Variants in ALAD observed in about 807,000 individuals in gnomAD.
The protein encoded by ALAD is delta-aminolevulinic acid dehydratase.
A neutral mutation model predicts 44.4 loss-of-function variants in ALAD; 20 were observed. The observed-to-expected ratio is 0.45, with a 90% CI of 0.32 to 0.65. ALAD has a LOEUF of 0.65. ALAD is among the 30% of genes least tolerant of loss of function. The pLI is 0.05. For synonymous variants in ALAD, 156 were observed against 167.9 expected (o/e 0.93, Z 0.55); for missense variants, 323 against 445.7 (o/e 0.72, Z 2.48).
intron 1 of ALAD, among the ~76,000 whole-genome samples, 157 bp from the exon 2 acceptor site, chr9:113,393,791 T>C (rs8177792): frequency 1.3e-5 from 2 of 152,212 alleles, no homozygotes; most frequent in African/African-American, 4.8e-5. Context: ...ACAAGGTAAG[T>C]TGAGAAATGA....
At position 113,388,163 on chromosome 9, in the gene ALAD, G is replaced by T; in HGVS notation, c.*137C>A. 1.1e-6 allele frequency: 1 copy of T among 921,948 alleles called. No homozygotes were observed. Among genetic ancestry groups the T allele is most frequent in the Non-Finnish European group, 1.8e-6 (1 of 568,358 alleles). 57.1% of individuals were successfully genotyped at this position (921,948 alleles called of 1,614,324 possible). On this transcript the variant is annotated 3_prime_UTR_variant, in exon 12 of 12. Coordinates refer to ENST00000409155, the MANE Select transcript of ALAD (RefSeq NM_000031.6). ...CATGCTGGCAAAACCACCCAGGGCT[G>T]CTGGGCCCCGCTAGCATGTGAGCAG... is the stretch of plus-strand genomic sequence containing the variant.
At chr9:113,392,937 C>T (rs550855847) in intron 2 of ALAD, among the ~76,000 whole-genome samples, 2 of 151,636 alleles carry the variant, frequency 1.3e-5, no homozygotes, top group Non-Finnish European at 2.9e-5. Flanking sequence ...CCTGCCTCAG[C>T]CTCCCAAGTA....
chr9:113,393,685 A>C, intron 1 of ALAD, 51 bp from the exon 2 acceptor site: 1 of 759,952 alleles, frequency 1.3e-6, no homozygotes. Flanking sequence ...TCCTCAGGAG[A>C]TGGTCACATC....
At position 113,399,085 on chromosome 9, in the gene ALAD, C is replaced by T. The variant is rs80062909; in HGVS notation, c.-76+2127G>A. On this transcript the variant is annotated intron_variant, in intron 1 of 11. Coordinates refer to ENST00000409155, the MANE Select transcript of ALAD (RefSeq NM_000031.6). ...ATCAGACAGGTTAGCTTTGCTGGGACGCAGAGTATAGGGCGGTGCAGAAAG... is the reference window on the plus strand; with the variant it reads ...ATCAGACAGGTTAGCTTTGCTGGGATGCAGAGTATAGGGCGGTGCAGAAAG... Among the ~76,000 whole-genome samples the T allele has an allele frequency of 4.6e-3, 703 of 152,302 alleles. 4 individuals carry two copies. The highest frequency in any genetic ancestry group is 0.01 in the African/African-American group (426 of 41,558).
At chr9:113,390,550 C>T in intron 6 of ALAD, 43 bp downstream of exon 6, 1 of 1,613,968 alleles carries the variant, frequency 6.2e-7, no homozygotes, top group Non-Finnish European at 8.5e-7. Flanking sequence ...ACTCTGCCAC[C>T]TCCTGACCCA....
In ALAD at chr9:113,389,033, C is replaced by T. The variant is rs749655574; in HGVS notation, c.875G>A (p.Gly292Glu). 2 of 1,613,886 alleles carry T rather than the reference C, an allele frequency of 1.2e-6. No homozygotes were observed. The highest frequency in any genetic ancestry group is 1.7e-6 in the Non-Finnish European group (2 of 1,180,036). ...FAMLWHGAQA[G>E]AFDLKAAVLE... is the part of the protein sequence containing the mutation. ...TACGGCAGCCTTGAGATCAAATGCC[C>T]CGGCCTGGGCTCCATGCCACAGCAT... is the stretch of plus-strand genomic sequence containing the variant. Residue 292 changes from glycine to glutamate, a missense_variant, in exon 11 of 12, where the codon GGG becomes GAG. Gly to Glu is a moderately conservative substitution (Grantham distance 98, BLOSUM62 -2). Coordinates refer to ENST00000409155, the MANE Select transcript of ALAD (RefSeq NM_000031.6).
chr9:113,392,212 G>A (rs758177690), intron 2 of ALAD, 43 bp from the exon 3 acceptor site: 2 of 1,613,582 alleles, frequency 1.2e-6, no homozygotes, highest in South Asian at 1.1e-5. Flanking sequence ...GCTGTGGGAA[G>A]GGCCAGTGGT....
chr9:113,391,646 G>A (rs774317722), intron 3 of ALAD, 23 bp from the exon 4 acceptor site: 2 of 1,596,594 alleles, frequency 1.3e-6, no homozygotes, highest in South Asian at 2.2e-5. Flanking sequence ...GGGTAGAGGG[G>A]TTGAAGGAAG....
intron 1 of ALAD, among the ~76,000 whole-genome samples, chr9:113,400,596 G>C (rs1387502509): frequency 6.6e-6 from 1 of 152,180 alleles, no homozygotes; most frequent in Non-Finnish European, 1.5e-5. Flanking sequence ...GCCGAGGTGG[G>C]CGAATCACCT....
At chr9:113,389,309 T>C in intron 10 of ALAD, 129 bp downstream of exon 10, 1 of 1,334,236 alleles carries the variant, frequency 7.5e-7, no homozygotes, top group South Asian at 1.2e-5. Flanking sequence ...CCACGATGGT[T>C]CCTGGGCAGG....
At chr9:113,392,483 C>G in intron 2 of ALAD, 1 of 500,580 alleles carries the variant, frequency 2.0e-6, no homozygotes, top group Admixed American at 4.1e-5. Context: ...CCACTTACTG[C>G]CTGGGTGACC....
chr9:113,391,767 G>C, intron 3 of ALAD, 144 bp from the exon 4 acceptor site: 1 of 724,524 alleles, frequency 1.4e-6, no homozygotes, highest in Non-Finnish European at 2.5e-6. Flanking sequence ...GAAGGGGCAG[G>C]GATGCATCCA....
rs1827431940 is a variant in ALAD, at chr9:113,387,583, C to G, written c.*717G>C. The G allele has an allele frequency of 6.5e-6, 1 of 154,306 alleles. No individual in the cohort carries two copies. Among genetic ancestry groups the G allele is most frequent in the Admixed American group, 6.4e-5 (1 of 15,740 alleles). 9.6% of individuals were successfully genotyped at this position (154,306 alleles called of 1,614,324 possible). On this transcript the variant is annotated 3_prime_UTR_variant, in exon 12 of 12. Transcript: ENST00000409155. Reference sequence around the variant, plus strand: ...GTCTGTCCTGCTGTATTCCCAGGACCCAGCACTGAACCTAGGAACAGAGCA... The same window carrying G: ...GTCTGTCCTGCTGTATTCCCAGGACGCAGCACTGAACCTAGGAACAGAGCA...
chr9:113,387,887 C>A lies in ALAD; in HGVS notation c.*413G>T. 3.3e-6 allele frequency: 1 copy of A among 300,366 alleles called. No individual in the cohort carries two copies. The highest frequency in any genetic ancestry group is 6.6e-6 in the Non-Finnish European group (1 of 150,682). The allele number at this position is 300,366 out of a possible 1,614,324, so 18.6% of individuals were successfully genotyped here. A position where few individuals can be genotyped will look rare whatever the true frequency, so the allele number is the denominator to read the frequency against. ...CTAGGCCTCATTCCCACACCCAGCT[C>A]TGCTGCCAGAAGCGTTCCAAGGCTT... On this transcript the variant is annotated 3_prime_UTR_variant, in exon 12 of 12. Coordinates refer to ENST00000409155, the MANE Select transcript of ALAD (RefSeq NM_000031.6).
rs1325900845 is a variant in ALAD at position 113,392,150 on chromosome 9, G to A, written c.133C>T (p.Gln45Ter). The change falls in exon 3 of 12, where the codon CAG (glutamine) becomes TAG (stop). Residue 45 changes from glutamine (Q) to a stop codon, truncating the protein, a stop_gained. Transcript: ENST00000409155. LOFTEE classifies it high-confidence loss of function. ...IFVTDVPDDI[Q>*]PITSLPGVAR... ...ACTCCTGGGAGGCTGGTGATAGGCT[G>A]TATGTCATCAGGAACATCCCTGCAA... 2 of 1,614,002 alleles carry A rather than the reference G, an allele frequency of 1.2e-6. No individual in the cohort carries two copies. The highest frequency in any genetic ancestry group is 2.2e-5 in the South Asian group (2 of 91,066).
At chr9:113,393,400 A>AACCCC in intron 2 of ALAD, 47 bp downstream of exon 2, 2 of 1,436,134 alleles carry the variant, frequency 1.4e-6, no homozygotes, top group Non-Finnish European at 2.0e-6. Context: ...CCCCAACCCC[A>AACCCC]ACCCCAACCA....
chr9:113,392,871 G>A (rs1176695798), intron 2 of ALAD, among the ~76,000 whole-genome samples: 2 of 140,644 alleles, frequency 1.4e-5, no homozygotes, highest in Admixed American at 7.7e-5. Context: ...AGGCTGGAGT[G>A]AAGTGGTGCA....
chr9:113,388,836 T>C (rs753495666), intron 11 of ALAD, 141 bp downstream of exon 11: 93 of 1,335,500 alleles, frequency 7.0e-5, no homozygotes, highest in Non-Finnish European at 9.5e-5. Context: ...TCCATATCTC[T>C]TCCTCAGTGT....
Position 113,391,535 on chromosome 9 carries a change from C to G in ALAD, c.253G>C (p.Val85Leu). The change falls in exon 4 of 12, where the codon GTT becomes CTT. Residue 85 changes from valine (V) to leucine (L), a missense_variant. Coordinates refer to ENST00000409155, the MANE Select transcript of ALAD (RefSeq NM_000031.6). ...TTCCTTTGATTCTTCACCTTGGGAA[C>G]TCTGCTGGGGACGCCAAAGATCAAG... ...CVLIFGVPSR[V>L]PKDERGSAAD... The G allele has an allele frequency of 4.3e-6, 7 of 1,614,044 alleles. No homozygotes were observed. Among genetic ancestry groups the G allele is most frequent in the Non-Finnish European group, 5.9e-6 (7 of 1,179,946 alleles).
Sources: allele counts gnomAD v4.1 joint callset (sites outside exome capture counted in the v4.1 genomes callset), GRCh38; gene constraint gnomAD v4.1.1; transcripts MANE v1.5; gene names NCBI Gene and HGNC (gene_info 2026-07-23, HGNC 2026-07-21).